Variants in VAMP7 observed in about 807,000 individuals in gnomAD.
VAMP7 encodes the protein vesicle-associated membrane protein 7.
Under a neutral mutation model 29.6 loss-of-function variants are expected in VAMP7, and 14 were observed. The observed-to-expected ratio is 0.47, with a 90% CI of 0.31 to 0.74. The LOEUF (loss-of-function observed/expected upper bound fraction) is 0.74. Among genes scored for constraint, VAMP7 ranks in the 30% least tolerant of loss-of-function variants. The pLI is 0.05. For synonymous variants in VAMP7, 95 were observed against 88.1 expected, an observed-to-expected ratio of 1.08 and a Z score of -0.44; for missense variants, 223 against 262.4, an observed-to-expected ratio of 0.85 and a Z score of 1.04.
At chrX:155,939,051 T>G (rs1020928133) in intron 6 of VAMP7, among the ~76,000 whole-genome samples, 1 of 143,964 alleles carries the variant, frequency 6.9e-6, no homozygotes, top group Non-Finnish European at 1.5e-5. Flanking sequence ...TCCAAAACAT[T>G]TTTTTATATG....
chrX:155,882,282 C>G (rs1223172510), intron 1 of VAMP7, among the ~76,000 whole-genome samples: 1 of 152,122 alleles, frequency 6.6e-6, no homozygotes, highest in East Asian at 1.9e-4. Flanking sequence ...GTAAACAAGA[C>G]TTAGGAGGTT....
intron 6 of VAMP7, among the ~76,000 whole-genome samples, chrX:155,928,875 C>A (rs769923158): frequency 6.6e-6 from 1 of 152,234 alleles, no homozygotes; most frequent in South Asian, 2.1e-4. Context: ...CAGCTATGTT[C>A]GGATTTATTA....
intron 6 of VAMP7, among the ~76,000 whole-genome samples, chrX:155,933,526 A>T (rs2066597525): frequency 6.6e-6 from 1 of 152,042 alleles, no homozygotes; most frequent in South Asian, 2.1e-4. Context: ...GGTAGTTTGT[A>T]TTTCTGTGGG....
Position 155,898,137 on chromosome X carries a change from A to G in VAMP7, c.230A>G (p.Asn77Ser), listed in dbSNP as rs142789451. 3.7e-6 allele frequency: 6 copies of G among 1,613,236 alleles called. No individual in the cohort carries two copies. Among genetic ancestry groups the G allele is most frequent in the South Asian group, 3.3e-5 (3 of 91,024 alleles). ...GATTTTGAACGTTCCCGAGCCTTTA[A>G]TTTTCTGAATGAGATAAAGAAGAGG... ...DDDFERSRAF[N>S]FLNEIKKRFQ... The change falls in exon 4 of 8, where the codon AAT becomes AGT. Residue 77 changes from asparagine to serine, a missense_variant. Transcript: ENST00000286448.
chrX:155,940,387 G>C (rs1378456782), intron 7 of VAMP7, among the ~76,000 whole-genome samples: 8 of 152,138 alleles, frequency 5.3e-5, no homozygotes, highest in Non-Finnish European at 1.2e-4. Context: ...ACCACAGCTT[G>C]AGGGTCCTCT....
intron 6 of VAMP7, among the ~76,000 whole-genome samples, chrX:155,933,923 G>T (rs2066605894): frequency 6.6e-6 from 1 of 152,134 alleles, no homozygotes; most frequent in Non-Finnish European, 1.5e-5. Context: ...TGGTTTCAAA[G>T]AACATGTTTA....
At chrX:155,908,526 G>A (rs892951105) in intron 5 of VAMP7, among the ~76,000 whole-genome samples, 2 of 152,038 alleles carry the variant, frequency 1.3e-5, no homozygotes, top group Non-Finnish European at 2.9e-5. Flanking sequence ...GAGGGAGACC[G>A]TGGAAAGAGA....
At chrX:155,904,616 CAATT>C (rs1271834287) in intron 5 of VAMP7, among the ~76,000 whole-genome samples, 1 of 152,028 alleles carries the variant, frequency 6.6e-6, no homozygotes, top group South Asian at 2.1e-4. Flanking sequence ...ACCTAAGCAA[CAATT>C]AATTCCCTTT....
intron 2 of VAMP7, among the ~76,000 whole-genome samples, chrX:155,890,470 C>T (rs1236795921): frequency 2.0e-5 from 3 of 152,244 alleles, no homozygotes; most frequent in East Asian, 1.9e-4. Flanking sequence ...AGATGATTCT[C>T]GTGCCTTAGC....
In VAMP7 at chrX:155,942,284, C is replaced by G; in HGVS notation, c.*333C>G. ...TGTCGCCGCTAGTCTTATGAGCTAT[C>G]TACTAAAACTATGGAGAAACTTTGT... On this transcript the variant is annotated 3_prime_UTR_variant, in exon 8 of 8. Coordinates refer to ENST00000286448, the MANE Select transcript of VAMP7 (RefSeq NM_005638.6). 2 of 1,004,178 alleles carry G rather than the reference C, an allele frequency of 2.0e-6. No homozygotes were observed. The highest frequency in any genetic ancestry group is 2.8e-6 in the Non-Finnish European group (2 of 701,818). The allele number at this position is 1,004,178 out of a possible 1,614,324, so 62.2% of individuals were successfully genotyped here. A position where few individuals can be genotyped will look rare whatever the true frequency, so the allele number is the denominator to read the frequency against.
chrX:155,939,736 T>G lies in VAMP7; in HGVS notation c.537T>G (p.Ala179=), dbSNP rs767382473. 2.8e-5 allele frequency: 45 copies of G among 1,613,832 alleles called. No homozygotes were observed. In the East Asian group the frequency reaches 1.0e-3, roughly 36 times the overall value. ...VTFKTTSRNL[A]RAMCMKNLKL... The stretch of plus-strand genomic sequence containing the variant: ...TCAAAACTACCAGCAGAAATCTTGC[T>G]CGAGCCATGTGTATGAAGAACCTCA... Residue 179 remains alanine (A), a synonymous_variant, in exon 7 of 8, where the codon GCT becomes GCG. Coordinates refer to ENST00000286448, the MANE Select transcript of VAMP7 (RefSeq NM_005638.6).
chrX:155,890,790 A>G (rs1214823172), intron 2 of VAMP7, among the ~76,000 whole-genome samples: 5 of 152,190 alleles, frequency 3.3e-5, no homozygotes, highest in African/African-American at 1.2e-4. Flanking sequence ...ATCTTTTCTT[A>G]CTTAACCCAG....
At chrX:155,931,606 A>T (rs2066556298) in intron 6 of VAMP7, among the ~76,000 whole-genome samples, 1 of 152,096 alleles carries the variant, frequency 6.6e-6, no homozygotes, top group South Asian at 2.1e-4. Flanking sequence ...TAGAATCTGG[A>T]TATTAGCCCT....
Position 155,889,455 on chromosome X carries a change from T to A in VAMP7, c.-9-3T>A, listed in dbSNP as rs756499393. On this transcript the variant is annotated splice_polypyrimidine_tract_variant and splice_region_variant and intron_variant, in intron 1 of 7. Transcript: ENST00000286448. ...TAAATCTGTGTCTTTTTCCTTTTGA[T>A]AGACTGAAGCCATGGCGATTCTTTT... is the stretch of plus-strand genomic sequence containing the variant. 1 of 1,611,416 alleles carries A rather than the reference T, an allele frequency of 6.2e-7. No homozygotes were observed. The highest frequency in any genetic ancestry group is 1.7e-5 in the Admixed American group (1 of 59,488).
intron 1 of VAMP7, among the ~76,000 whole-genome samples, chrX:155,883,293 C>A (rs921034587): frequency 6.6e-6 from 1 of 152,136 alleles, no homozygotes; most frequent in African/African-American, 2.4e-5. Flanking sequence ...ACCATTCCAT[C>A]TTATCAGGCT....
intron 2 of VAMP7, among the ~76,000 whole-genome samples, chrX:155,891,436 C>A (rs1271650034): frequency 6.6e-6 from 1 of 152,106 alleles, no homozygotes; most frequent in Non-Finnish European, 1.5e-5. Flanking sequence ...ATCCATCAGG[C>A]CCTGGTGTGG....
At chrX:155,934,949 T>C (rs1042053084) in intron 6 of VAMP7, among the ~76,000 whole-genome samples, 10 of 152,180 alleles carry the variant, frequency 6.6e-5, no homozygotes, top group African/African-American at 2.2e-4. Context: ...TTATTTTTCC[T>C]TCACCTATGA....
chrX:155,931,910 T>G (rs1350681718), intron 6 of VAMP7, among the ~76,000 whole-genome samples: 2 of 152,212 alleles, frequency 1.3e-5, no homozygotes, highest in African/African-American at 4.8e-5. Flanking sequence ...GGATCCAGTT[T>G]CAGCTTTCTC....
intron 6 of VAMP7, among the ~76,000 whole-genome samples, chrX:155,923,046 T>C (rs2066417584): frequency 6.6e-6 from 1 of 152,050 alleles, no homozygotes; most frequent in East Asian, 1.9e-4. Context: ...GTGGCATTTT[T>C]CCACTTCATG....
Sources: allele counts gnomAD v4.1 joint callset (sites outside exome capture counted in the v4.1 genomes callset), GRCh38; gene constraint gnomAD v4.1.1; transcripts MANE v1.5; gene names NCBI Gene and HGNC (gene_info 2026-07-23, HGNC 2026-07-21).